RBFOX1: variants seen among roughly 807,000 people sequenced by gnomAD.
RBFOX1 encodes RNA binding protein fox-1 homolog 1.
Under a neutral mutation model 57.7 loss-of-function variants are expected in RBFOX1, and 8 were observed. The observed-to-expected ratio is 0.14, with a 90% CI of 0.08 to 0.25. RBFOX1 has a LOEUF of 0.25. Among genes scored for constraint, RBFOX1 ranks in the 10% least tolerant of loss-of-function variants. RBFOX1 has a pLI of 1.00. For missense variants in RBFOX1, 611 were observed against 548.5 expected, an observed-to-expected ratio of 1.11 and a Z score of -1.14; for synonymous variants, 326 against 222.4, an observed-to-expected ratio of 1.47 and a Z score of -4.15.
intron 3 of RBFOX1, among the ~76,000 whole-genome samples, chr16:6,694,845 G>A (rs1243647781): frequency 6.6e-6 from 1 of 152,016 alleles, no homozygotes; most frequent in Non-Finnish European, 1.5e-5. Context: ...ACCTGGTCTA[G>A]AGTCCAGCCC....
chr16:7,346,490 C>A (rs372846528), intron 4 of RBFOX1, among the ~76,000 whole-genome samples: 2 of 152,214 alleles, frequency 1.3e-5, no homozygotes, highest in South Asian at 4.2e-4. Flanking sequence ...ACCTTCCTCC[C>A]ATGTTAGCAT....
chr16:7,249,614 A>G (rs2094436695), intron 4 of RBFOX1, among the ~76,000 whole-genome samples: 1 of 149,726 alleles, frequency 6.7e-6, no homozygotes, highest in Non-Finnish European at 1.5e-5. Context: ...AAAAAAAAAG[A>G]GCCTGTAAGA....
intron 3 of RBFOX1, among the ~76,000 whole-genome samples, chr16:6,926,504 CG>C (rs2075614195): frequency 6.6e-6 from 1 of 152,026 alleles, no homozygotes; most frequent in African/African-American, 2.4e-5. Flanking sequence ...ACATTTGTAG[CG>C]GTGTTATAGG....
At chr16:7,026,823 C>T (rs1489333264) in intron 3 of RBFOX1, among the ~76,000 whole-genome samples, 3 of 152,212 alleles carry the variant, frequency 2.0e-5, no homozygotes, top group Non-Finnish European at 4.4e-5. Flanking sequence ...ACACATGGCA[C>T]CTGCTGATCT....
intron 3 of RBFOX1, among the ~76,000 whole-genome samples, chr16:6,843,484 C>T (rs149903463): frequency 0.025 from 3,866 of 152,046 alleles, 193 homozygotes; most frequent in African/African-American, 0.088. Flanking sequence ...GTCAGGAGAT[C>T]GAGACCATCC....
At chr16:7,535,706 C>T (rs1193150126) in intron 5 of RBFOX1, among the ~76,000 whole-genome samples, 1 of 152,200 alleles carries the variant, frequency 6.6e-6, no homozygotes, top group Non-Finnish European at 1.5e-5. Context: ...ACTTACTGAA[C>T]TCCTACTATG....
chr16:7,322,136 C>T (rs980429572), intron 4 of RBFOX1, among the ~76,000 whole-genome samples: 1 of 152,224 alleles, frequency 6.6e-6, no homozygotes, highest in African/African-American at 2.4e-5. Flanking sequence ...ATTTTTTCCC[C>T]TGGTCTGAAG....
At chr16:6,000,234 T>C (rs1303820077) in intron 4 of RBFOX1, among the ~76,000 whole-genome samples, 1 of 152,176 alleles carries the variant, frequency 6.6e-6, no homozygotes, top group Admixed American at 6.5e-5. Flanking sequence ...GGTGCGATGC[T>C]TCCTCTGAAG....
intron 2 of RBFOX1, among the ~76,000 whole-genome samples, chr16:6,536,549 C>T (rs529042675): frequency 1.2e-4 from 14 of 121,318 alleles, no homozygotes; most frequent in East Asian, 4.2e-4. Context: ...CGATGGGGGG[C>T]CCAGGAGGTT....
chr16:5,278,828 C>A (rs2063202980), intron 1 of RBFOX1, among the ~76,000 whole-genome samples: 1 of 152,134 alleles, frequency 6.6e-6, no homozygotes, highest in African/African-American at 2.4e-5. Context: ...TTTCCTGGCA[C>A]CATTTAATGA....
chr16:6,747,868 C>T (rs574934756), intron 3 of RBFOX1, among the ~76,000 whole-genome samples: 3 of 152,118 alleles, frequency 2.0e-5, no homozygotes, highest in Non-Finnish European at 2.9e-5. Flanking sequence ...CTTTCATAGG[C>T]AATCCATACC....
chr16:7,708,950 G>A, intron 14 of RBFOX1, 106 bp from the exon 15 acceptor site: 1 of 995,146 alleles, frequency 1.0e-6, no homozygotes, highest in South Asian at 1.4e-5. Flanking sequence ...CTCACTGGAA[G>A]ATGAGTAGGG....
intron 3 of RBFOX1, among the ~76,000 whole-genome samples, chr16:6,964,819 C>A (rs1039256649): frequency 6.6e-6 from 1 of 152,076 alleles, no homozygotes; most frequent in African/African-American, 2.4e-5. Context: ...AGGCCTTTGT[C>A]TAAAAGAGCC....
At chr16:7,024,053 A>T (rs925019081) in intron 3 of RBFOX1, among the ~76,000 whole-genome samples, 5 of 152,202 alleles carry the variant, frequency 3.3e-5, no homozygotes, top group Non-Finnish European at 5.9e-5. Flanking sequence ...GGAAGGTCAT[A>T]AAACCAGGGA....
chr16:7,307,711 C>T (rs1188036069), intron 4 of RBFOX1, among the ~76,000 whole-genome samples: 1 of 152,204 alleles, frequency 6.6e-6, no homozygotes, highest in Non-Finnish European at 1.5e-5. Context: ...GATGTACTCA[C>T]ATAGGAACAC....
chr16:6,389,193 G>T (rs1433911188), intron 2 of RBFOX1, among the ~76,000 whole-genome samples: 1 of 152,160 alleles, frequency 6.6e-6, no homozygotes, highest in Non-Finnish European at 1.5e-5. Context: ...TTCAGAGGGA[G>T]AATTTCTTTT....
At chr16:6,284,127 G>A (rs1030954162) in intron 1 of RBFOX1, among the ~76,000 whole-genome samples, 1 of 152,176 alleles carries the variant, frequency 6.6e-6, no homozygotes, top group Non-Finnish European at 1.5e-5. Flanking sequence ...TGGTACTGAA[G>A]TGGTAGATGG....
chr16:5,631,237 G>C (rs549431785), intron 3 of RBFOX1, among the ~76,000 whole-genome samples: 2 of 152,264 alleles, frequency 1.3e-5, no homozygotes, highest in East Asian at 1.9e-4. Context: ...GGTCTTAGAG[G>C]CTCTCTCCAA....
intron 1 of RBFOX1, among the ~76,000 whole-genome samples, chr16:6,067,011 A>T (rs1254140399): frequency 1.3e-5 from 2 of 152,134 alleles, no homozygotes; most frequent in Non-Finnish European, 2.9e-5. Flanking sequence ...AACTATCAAC[A>T]CGGCACAGTT....
Sources: gnomAD v4.1 joint callset for allele counts (sites outside exome capture counted in the v4.1 genomes callset) on GRCh38, gnomAD v4.1.1 for gene constraint, MANE v1.5 for transcripts, NCBI Gene and HGNC (gene_info 2026-07-23, HGNC 2026-07-21) for gene names.